The following GRIP1 variants were observed in gnomAD, a reference collection of about 807,000 sequenced individuals.
The protein encoded by GRIP1 is glutamate receptor-interacting protein 1.
GRIP1 carries 45 observed loss-of-function variants against 129.9 expected under a neutral mutation model. The observed-to-expected ratio is 0.35, with a 90% CI of 0.27 to 0.44. GRIP1 has a LOEUF of 0.44. Ranked by LOEUF, GRIP1 falls within the 20% of genes least tolerant of loss-of-function variation. GRIP1 has a pLI of 1.00. For synonymous variants in GRIP1, 530 were observed against 520.8 expected (o/e 1.02, Z -0.24); for missense variants, 1,196 against 1,396.8 (o/e 0.86, Z 2.29).
intron 1 of GRIP1, among the ~76,000 whole-genome samples, chr12:66,641,394 A>G (rs892234990): frequency 3.3e-5 from 5 of 152,196 alleles, no homozygotes; most frequent in African/African-American, 1.2e-4. Context: ...TTGGGGGAGG[A>G]AGGGGTGGGC....
At chr12:66,574,882 C>T (rs1246242048) in intron 2 of GRIP1, among the ~76,000 whole-genome samples, 4 of 150,218 alleles carry the variant, frequency 2.7e-5, no homozygotes, top group African/African-American at 9.8e-5. Context: ...TCAAGCGATT[C>T]TTATGCCTCA....
chr12:66,873,214 G>T (rs1238221941), intron 1 of GRIP1, among the ~76,000 whole-genome samples: 1 of 152,050 alleles, frequency 6.6e-6, no homozygotes, highest in African/African-American at 2.4e-5. Flanking sequence ...GCCATGCAGT[G>T]ATAATACCAG....
intron 2 of GRIP1, among the ~76,000 whole-genome samples, chr12:66,563,065 C>T (rs2062597677): frequency 6.6e-6 from 1 of 151,452 alleles, no homozygotes; most frequent in Non-Finnish European, 1.5e-5. Flanking sequence ...GGTAGAAAAT[C>T]TGTGTTTATG....
chr12:66,464,818 C>CTG (rs66669633), intron 8 of GRIP1, among the ~76,000 whole-genome samples: 10,022 of 150,480 alleles, frequency 0.067, 628 homozygotes, highest in East Asian at 0.21. Flanking sequence ...GGCAAGAGAA[C>CTG]TGTGTGTGTG....
At chr12:66,679,372 C>A (rs139519122), upstream of GRIP1, among the ~76,000 whole-genome samples, 1 of 139,816 alleles carries the variant, frequency 7.2e-6, no homozygotes, top group Non-Finnish European at 1.5e-5. Flanking sequence ...ATGGGAAATG[C>A]AAGTGAAATG....
At chr12:67,041,343 C>G (rs1192357688) in intron 1 of GRIP1, among the ~76,000 whole-genome samples, 8 of 151,362 alleles carry the variant, frequency 5.3e-5, no homozygotes, top group African/African-American at 2.0e-4. Flanking sequence ...TGTGTATAGA[C>G]ACACATGTAT....
chr12:66,574,424 C>T (rs534815599), intron 2 of GRIP1, among the ~76,000 whole-genome samples: 3 of 152,388 alleles, frequency 2.0e-5, no homozygotes, highest in East Asian at 3.9e-4. Flanking sequence ...CAACCTTTCA[C>T]TCTCTCTTTT....
chr12:66,650,945 G>A (rs771060598), intron 1 of GRIP1, among the ~76,000 whole-genome samples: 5 of 152,156 alleles, frequency 3.3e-5, no homozygotes, highest in Non-Finnish European at 7.3e-5. Flanking sequence ...TCCAAAATGA[G>A]CATGGTAAAA....
chr12:66,665,077 G>A (rs911800817), intron 1 of GRIP1, among the ~76,000 whole-genome samples: 12 of 152,024 alleles, frequency 7.9e-5, no homozygotes, highest in Non-Finnish European at 1.6e-4. Context: ...GCAGTGGGGC[G>A]ATCACTGCTC....
At chr12:66,690,823 T>G (rs1226930651) in intron 1 of GRIP1, among the ~76,000 whole-genome samples, 1 of 151,540 alleles carries the variant, frequency 6.6e-6, no homozygotes, top group Non-Finnish European at 1.5e-5. Flanking sequence ...GTCCCAGGTA[T>G]CCGGGAGGCT....
intron 1 of GRIP1, among the ~76,000 whole-genome samples, chr12:66,604,697 A>T (rs1001553973): frequency 6.6e-6 from 1 of 152,126 alleles, no homozygotes; most frequent in African/African-American, 2.4e-5. Flanking sequence ...TTGGTGCAAA[A>T]TTTGGATTGC....
intron 1 of GRIP1, among the ~76,000 whole-genome samples, chr12:66,830,536 G>A (rs867308303): frequency 6.6e-6 from 1 of 152,178 alleles, no homozygotes; most frequent in Non-Finnish European, 1.5e-5. Context: ...CACCTCCAGA[G>A]GAAGTGAGGC....
chr12:66,891,296 T>A (rs1420397499), intron 1 of GRIP1, among the ~76,000 whole-genome samples: 1 of 152,198 alleles, frequency 6.6e-6, no homozygotes, highest in African/African-American at 2.4e-5. Context: ...AGGTTGCAGT[T>A]GGGACTCAAT....
At chr12:66,622,335 T>A (rs899193878) in intron 1 of GRIP1, among the ~76,000 whole-genome samples, 1 of 151,976 alleles carries the variant, frequency 6.6e-6, no homozygotes, top group South Asian at 2.1e-4. Context: ...ATAGAATGAA[T>A]AAGATCTAAT....
intron 1 of GRIP1, among the ~76,000 whole-genome samples, chr12:66,919,917 T>C (rs1302209127): frequency 6.6e-6 from 1 of 152,124 alleles, no homozygotes; most frequent in African/African-American, 2.4e-5. Context: ...TAGATGTACT[T>C]ATCTGTACAT....
At chr12:66,668,963 CA>C (rs1238534240) in intron 1 of GRIP1, among the ~76,000 whole-genome samples, 1 of 151,632 alleles carries the variant, frequency 6.6e-6, no homozygotes, top group Non-Finnish European at 1.5e-5. Flanking sequence ...AACAAATAAG[CA>C]AAAAATAAAA....
chr12:66,526,210 T>C (rs978394482), intron 5 of GRIP1, among the ~76,000 whole-genome samples: 8 of 150,596 alleles, frequency 5.3e-5, no homozygotes, highest in Admixed American at 1.3e-4. Flanking sequence ...AAAAAGAGCC[T>C]GCATTGCCAA....
intron 7 of GRIP1, among the ~76,000 whole-genome samples, chr12:66,500,750 T>G (rs746408292): frequency 1.3e-5 from 2 of 152,228 alleles, no homozygotes; most frequent in African/African-American, 2.4e-5. Flanking sequence ...CAACCTGTGA[T>G]GCCCCCATAG....
chr12:66,806,978 T>C (rs117570462), upstream of GRIP1, among the ~76,000 whole-genome samples: 6,111 of 152,046 alleles, frequency 0.04, 138 homozygotes, highest in Middle Eastern at 0.095. Context: ...TCAGAGATGC[T>C]TGGGAAGCCA....
Sources: allele counts gnomAD v4.1 joint callset (sites outside exome capture counted in the v4.1 genomes callset), GRCh38; gene constraint gnomAD v4.1.1; transcripts MANE v1.5; gene names NCBI Gene and HGNC (gene_info 2026-07-23, HGNC 2026-07-21).